The following NME7 variants were observed in gnomAD, a reference collection of about 807,000 sequenced individuals.
The protein encoded by NME7 is NME/NM23 family member 7.
A neutral mutation model predicts 49.1 loss-of-function variants in NME7; 41 were observed. That is an observed-to-expected ratio of 0.83 (90% CI 0.65 to 1.08). NME7 has a LOEUF of 1.08. NME7 is among the 50% of genes least tolerant of loss of function. The pLI, the probability that NME7 is intolerant of heterozygous loss-of-function variation, is 0.00. For missense variants in NME7, 423 were observed against 463.4 expected (o/e 0.91, Z 0.80); for synonymous variants, 139 against 150.6 (o/e 0.92, Z 0.56).
intron 10 of NME7, among the ~76,000 whole-genome samples, chr1:169,199,125 T>C (rs2101774947): frequency 6.6e-6 from 1 of 152,218 alleles, no homozygotes; most frequent in South Asian, 2.1e-4. Context: ...ATAAGGCCAC[T>C]GAACCTTGAA....
chr1:169,364,204 T>C (rs1032800301), intron 1 of NME7, among the ~76,000 whole-genome samples: 2 of 152,196 alleles, frequency 1.3e-5, no homozygotes, highest in Non-Finnish European at 2.9e-5. Flanking sequence ...AACATAAGCA[T>C]GAATTCCTCC....
At chr1:169,181,470 T>C (rs989789116) in intron 10 of NME7, among the ~76,000 whole-genome samples, 3 of 152,112 alleles carry the variant, frequency 2.0e-5, no homozygotes, top group African/African-American at 7.2e-5. Context: ...CATTTCTTCT[T>C]CTTTTGATAA....
At chr1:169,199,192 TATA>T (rs1202918398) in intron 10 of NME7, among the ~76,000 whole-genome samples, 7 of 151,990 alleles carry the variant, frequency 4.6e-5, no homozygotes, top group Admixed American at 6.6e-5. Flanking sequence ...TAGTGATAAT[TATA>T]ATAACCTCTA....
At chr1:169,265,514 C>A (rs115190503) in intron 7 of NME7, among the ~76,000 whole-genome samples, 2,402 of 132,432 alleles carry the variant, frequency 0.018, 333 homozygotes, top group African/African-American at 0.054. Flanking sequence ...CACTAAACAC[C>A]CACATCAAAA....
chr1:169,252,902 T>C (rs1353374130), intron 7 of NME7, among the ~76,000 whole-genome samples: 1 of 149,794 alleles, frequency 6.7e-6, no homozygotes, highest in Non-Finnish European at 1.5e-5. Context: ...GAGGGCTCTG[T>C]TCTGTTCCAT....
chr1:169,221,734 A>T (rs1373514519), intron 10 of NME7, among the ~76,000 whole-genome samples: 1 of 151,370 alleles, frequency 6.6e-6, no homozygotes, highest in African/African-American at 2.4e-5. Flanking sequence ...CACACACCCA[A>T]ATTTTTTTGA....
intron 7 of NME7, among the ~76,000 whole-genome samples, chr1:169,243,276 A>G (rs1208720958): frequency 2.0e-5 from 3 of 152,198 alleles, no homozygotes; most frequent in African/African-American, 7.2e-5. Flanking sequence ...TGCAAAAGCA[A>G]TTCAAATTAG....
At chr1:169,198,647 G>A (rs2101774312) in intron 10 of NME7, among the ~76,000 whole-genome samples, 1 of 152,250 alleles carries the variant, frequency 6.6e-6, no homozygotes, top group African/African-American at 2.4e-5. Flanking sequence ...CATATGAAAT[G>A]TCCAGAACAG....
At position 169,165,298 on chromosome 1, in the gene NME7, A is replaced by AAAAT. The variant is rs150919885; in HGVS notation, c.1098+4145_1098+4148dup. On this transcript the variant is annotated intron_variant, in intron 11 of 11. Coordinates refer to ENST00000367811, the MANE Select transcript of NME7 (RefSeq NM_013330.5). Reference sequence around the variant, plus strand: ...ACATGTTCTATAATTGTTTGCTATAAAAATAAATAAATAAATAAATAAATA... The same window carrying AAAAT: ...ACATGTTCTATAATTGTTTGCTATAAAAATAAATAAATAAATAAATAAATAAATA... Among the ~76,000 whole-genome samples, 836 of 150,412 alleles carry AAAAT rather than the reference A, an allele frequency of 5.6e-3. 3 individuals are homozygous for AAAAT. The highest frequency in any genetic ancestry group is 8.1e-3 in the African/African-American group (331 of 41,098).
chr1:169,191,407 T>C (rs1660227261), intron 10 of NME7, among the ~76,000 whole-genome samples: 1 of 152,196 alleles, frequency 6.6e-6, no homozygotes, highest in African/African-American at 2.4e-5. Context: ...ACAGAGTTTA[T>C]ACTGAGGATA....
At chr1:169,359,306 T>A (rs1439905740) in intron 1 of NME7, among the ~76,000 whole-genome samples, 1 of 152,034 alleles carries the variant, frequency 6.6e-6, no homozygotes, top group South Asian at 2.1e-4. Context: ...ATATTTTCAA[T>A]CCTCAATTGG....
intron 10 of NME7, among the ~76,000 whole-genome samples, chr1:169,229,745 G>C (rs932087321): frequency 6.6e-6 from 1 of 152,106 alleles, no homozygotes; most frequent in Admixed American, 6.5e-5. Context: ...CTGATCACCT[G>C]AGGTCAGGAG....
intron 7 of NME7, among the ~76,000 whole-genome samples, chr1:169,264,978 T>C (rs1649275575): frequency 7.5e-6 from 1 of 132,982 alleles, no homozygotes; most frequent in African/African-American, 2.5e-5. Context: ...GTCCTTCACA[T>C]GGCGGCAACA....
intron 1 of NME7, among the ~76,000 whole-genome samples, chr1:169,349,514 CTAACATCTAACAAATTACA>C: frequency 6.6e-6 from 1 of 152,266 alleles, no homozygotes; most frequent in Non-Finnish European, 1.5e-5. Flanking sequence ...CGCTTGCTTT[CTAACATCTAACAAATTACA>C]TAACAGTATC....
chr1:169,186,291 T>C (rs1335143293), intron 10 of NME7, among the ~76,000 whole-genome samples: 3 of 152,134 alleles, frequency 2.0e-5, no homozygotes, highest in East Asian at 3.8e-4. Flanking sequence ...ACGGACAGGA[T>C]TGCAGGCTCT....
At chr1:169,226,119 G>C (rs1264827863) in intron 10 of NME7, among the ~76,000 whole-genome samples, 1 of 152,030 alleles carries the variant, frequency 6.6e-6, no homozygotes, top group Non-Finnish European at 1.5e-5. Flanking sequence ...AATTATATTT[G>C]CACATCTCAT....
chr1:169,224,624 TC>T (rs570714660), intron 10 of NME7, among the ~76,000 whole-genome samples: 23 of 152,210 alleles, frequency 1.5e-4, no homozygotes, highest in African/African-American at 5.5e-4. Context: ...AATTCAAAAG[TC>T]TGGGGGAAAT....
chr1:169,242,493 T>C (rs911765368), intron 7 of NME7, among the ~76,000 whole-genome samples: 2 of 151,984 alleles, frequency 1.3e-5, no homozygotes, highest in African/African-American at 2.4e-5. Flanking sequence ...ACTGAATGCT[T>C]TCCATGCAAG....
intron 11 of NME7, among the ~76,000 whole-genome samples, chr1:169,149,081 C>T (rs866177247): frequency 9.2e-5 from 14 of 152,298 alleles, no homozygotes; most frequent in African/African-American, 2.6e-4. Flanking sequence ...CAGTGGCTGA[C>T]GCCTGTAATC....
Sources: gnomAD v4.1 joint callset for allele counts (sites outside exome capture counted in the v4.1 genomes callset) on GRCh38, gnomAD v4.1.1 for gene constraint, MANE v1.5 for transcripts, NCBI Gene and HGNC (gene_info 2026-07-23, HGNC 2026-07-21) for gene names.